The following CAVIN2 variants were observed in gnomAD, a reference collection of about 807,000 sequenced individuals.
CAVIN2 encodes the protein caveolae associated protein 2, also known as caveolae-associated protein 2.
In CAVIN2, 13 loss-of-function variants were observed where a neutral mutation model predicts 11.7. The observed-to-expected ratio is 1.11, with a 90% confidence interval of 0.72 to 1.77. The LOEUF (loss-of-function observed/expected upper bound fraction) is 1.77, where lower values mean the gene tolerates loss of function less well. CAVIN2 is among the 40% of genes most tolerant of loss of function. The pLI is 0.00. For missense variants in CAVIN2, 549 were observed against 542.9 expected (o/e 1.01, Z -0.11); for synonymous variants, 237 against 223.2 (o/e 1.06, Z -0.55).
intron 1 of CAVIN2, among the ~76,000 whole-genome samples, chr2:191,846,052 A>G (rs1328637124): frequency 6.6e-6 from 1 of 152,218 alleles, no homozygotes; most frequent in Non-Finnish European, 1.5e-5. Context: ...ATGAACAGCC[A>G]CTGAATTAAT....
In CAVIN2 at chr2:191,835,787, T is replaced by C; in HGVS notation, c.*136A>G. The C allele has an allele frequency of 1.2e-6, 1 of 835,950 alleles. No individual in the cohort carries two copies. Among genetic ancestry groups the C allele is most frequent in the Non-Finnish European group, 1.8e-6 (1 of 550,676 alleles). 51.8% of individuals were successfully genotyped at this position (835,950 alleles called of 1,614,324 possible). A position where few individuals can be genotyped will look rare whatever the true frequency, so the allele number is the denominator to read the frequency against. On this transcript the variant is annotated 3_prime_UTR_variant, in exon 2 of 2. Transcript: ENST00000304141. Reference sequence around the variant, plus strand: ...AAGCCTGGTCTCGTGTGTCTTACTATGACTATATGGTCAATGATTACTGCC... The same window carrying C: ...AAGCCTGGTCTCGTGTGTCTTACTACGACTATATGGTCAATGATTACTGCC...
intron 1 of CAVIN2, among the ~76,000 whole-genome samples, chr2:191,843,539 T>C (rs1690124127): frequency 6.6e-6 from 1 of 152,164 alleles, no homozygotes; most frequent in Non-Finnish European, 1.5e-5. Context: ...ACTGTGAAGA[T>C]TATGCTGTGA....
rs72912357 is a variant in CAVIN2, at chr2:191,842,806, A to G, written c.483+3637T>C. 1.0e-2 allele frequency among the ~76,000 whole-genome samples: 1,523 copies of G among 152,358 alleles called. 18 individuals are homozygous for G. The highest frequency in any genetic ancestry group is 0.018 in the Non-Finnish European group (1,228 of 68,044). On this transcript the variant is annotated intron_variant, in intron 1 of 1. Coordinates refer to ENST00000304141, the MANE Select transcript of CAVIN2 (RefSeq NM_004657.6). ...AAATTAGATGCTTAACAGCTATAAC[A>G]ATGTTGTAACACTCAGTACAGACTT...
At chr2:191,844,639 T>C (rs1267135753) in intron 1 of CAVIN2, among the ~76,000 whole-genome samples, 1 of 152,146 alleles carries the variant, frequency 6.6e-6, no homozygotes, top group African/African-American at 2.4e-5. Flanking sequence ...CTGGCTGCAA[T>C]TTCACACCTG....
At chr2:191,843,657 T>C (rs992154938) in intron 1 of CAVIN2, among the ~76,000 whole-genome samples, 4 of 152,212 alleles carry the variant, frequency 2.6e-5, no homozygotes, top group Non-Finnish European at 4.4e-5. Flanking sequence ...CATGGTTCTC[T>C]GTGTGTAGCG....
chr2:191,835,857 A>C lies in CAVIN2; in HGVS notation c.*66T>G. 46 of 1,484,774 alleles carry C rather than the reference A, an allele frequency of 3.1e-5. No individual in the cohort carries two copies. The highest frequency in any genetic ancestry group is 3.8e-5 in the Non-Finnish European group (42 of 1,098,252). 92.0% of individuals were successfully genotyped at this position (1,484,774 alleles called of 1,614,324 possible). ...GGGTGAGTCGTGCTGGAGATGTGCAAGAGTTTGTTCTTCAGCCCTGGCTGC... is the reference window on the plus strand; with the variant it reads ...GGGTGAGTCGTGCTGGAGATGTGCACGAGTTTGTTCTTCAGCCCTGGCTGC... On this transcript the variant is annotated 3_prime_UTR_variant, in exon 2 of 2. Transcript: ENST00000304141.
intron 1 of CAVIN2, among the ~76,000 whole-genome samples, chr2:191,843,797 A>T (rs1042211377): frequency 6.6e-5 from 10 of 152,224 alleles, no homozygotes; most frequent in African/African-American, 2.4e-4. Flanking sequence ...TCTTCTATTC[A>T]TTGAGCACTT....
intron 1 of CAVIN2, among the ~76,000 whole-genome samples, chr2:191,839,422 TGA>T (rs1690063306): frequency 6.6e-6 from 1 of 152,232 alleles, no homozygotes; most frequent in Non-Finnish European, 1.5e-5. Flanking sequence ...TAGTTGCTGT[TGA>T]GTTTTAGACT....
At chr2:191,836,838 G>C in intron 1 of CAVIN2, 121 bp from the exon 2 acceptor site, 1 of 977,828 alleles carries the variant, frequency 1.0e-6, no homozygotes, top group South Asian at 1.8e-5. Flanking sequence ...AATGTTTGTG[G>C]CTTGAGTTTT....
chr2:191,842,212 TC>T (rs1161592662), intron 1 of CAVIN2, among the ~76,000 whole-genome samples: 2 of 152,230 alleles, frequency 1.3e-5, no homozygotes, highest in African/African-American at 2.4e-5. Context: ...GGCTCCATTC[TC>T]CAGAAATGTA....
chr2:191,836,397 T>C lies in CAVIN2; in HGVS notation c.804A>G (p.Arg268=), dbSNP rs916572685. 1 of 1,614,116 alleles carries C rather than the reference T, an allele frequency of 6.2e-7. No homozygotes were observed. Among genetic ancestry groups the C allele is most frequent in the Non-Finnish European group, 8.5e-7 (1 of 1,180,046 alleles). ...ACGTGAGAGATTTCTTAATCTTCTC[T>C]CTCCTCTCTACAGATACGATCTTTG... ...LGTKIVSVER[R]EKIKKSLTSN... is the part of the protein sequence containing the mutation. Residue 268 remains arginine, a synonymous_variant, in exon 2 of 2, where the codon AGA becomes AGG. Transcript: ENST00000304141.
intron 1 of CAVIN2, among the ~76,000 whole-genome samples, chr2:191,843,569 G>C (rs1690124694): frequency 1.3e-5 from 2 of 152,146 alleles, no homozygotes; most frequent in African/African-American, 4.8e-5. Flanking sequence ...TCGTTGAGTA[G>C]GTCTTTTGGG....
chr2:191,841,248 T>C (rs897087113), intron 1 of CAVIN2, among the ~76,000 whole-genome samples: 5 of 152,214 alleles, frequency 3.3e-5, no homozygotes, highest in African/African-American at 1.2e-4. Context: ...TCAATTCTTT[T>C]TTAAGACACA....
Position 191,835,885 on chromosome 2 carries a change from G to A in CAVIN2, c.*38C>T, listed in dbSNP as rs987999517. The A allele has an allele frequency of 3.2e-6, 5 of 1,570,654 alleles. No homozygotes were observed. The highest frequency in any genetic ancestry group is 2.7e-5 in the African/African-American group (2 of 74,184). The stretch of plus-strand genomic sequence containing the variant: ...GTTTGTTCTTCAGCCCTGGCTGCCC[G>A]CTTGAGCACAGCACAGGATGGCACG... On this transcript the variant is annotated 3_prime_UTR_variant, in exon 2 of 2. Coordinates refer to ENST00000304141, the MANE Select transcript of CAVIN2 (RefSeq NM_004657.6).
intron 1 of CAVIN2, among the ~76,000 whole-genome samples, 184 bp from the exon 2 acceptor site, chr2:191,836,901 G>C (rs1690030905): frequency 6.6e-6 from 1 of 152,178 alleles, no homozygotes; most frequent in African/African-American, 2.4e-5. Context: ...ATTTAGGCTG[G>C]ATAAGGCCAA....
In CAVIN2 at chr2:191,836,224, T is replaced by A. The variant is rs1690015843; in HGVS notation, c.977A>T (p.Asn326Ile). 1.2e-6 allele frequency: 2 copies of A among 1,613,976 alleles called. No homozygotes were observed. Among genetic ancestry groups the A allele is most frequent in the African/African-American group, 2.7e-5 (2 of 74,920 alleles). ...EDLPSSEQMP[N>I]DQEEESFAEG... ...TGCAAAGGACTCCTCTTCCTGGTCA[T>A]TTGGCATCTGCTCACTGCTAGGCAG... The change falls in exon 2 of 2, where the codon AAT (asparagine) becomes ATT (isoleucine). Residue 326 changes from asparagine to isoleucine, a missense_variant. By Grantham distance (149) the Asn-to-Ile change is moderately radical (BLOSUM62 -3). Coordinates refer to ENST00000304141, the MANE Select transcript of CAVIN2 (RefSeq NM_004657.6).
chr2:191,836,739 G>T (rs759793895), intron 1 of CAVIN2, 22 bp from the exon 2 acceptor site: 4 of 1,595,622 alleles, frequency 2.5e-6, no homozygotes, highest in Non-Finnish European at 2.6e-6. Context: ...GACAATGTAG[G>T]TTTCATGTTA....
chr2:191,839,672 G>A (rs948367814), intron 1 of CAVIN2, among the ~76,000 whole-genome samples: 1 of 152,226 alleles, frequency 6.6e-6, no homozygotes, highest in Non-Finnish European at 1.5e-5. Context: ...TGAGTTGGAT[G>A]TGTCTTTATG....
At chr2:191,841,872 C>A (rs4629108) in intron 1 of CAVIN2, among the ~76,000 whole-genome samples, 140,076 of 152,248 alleles carry the variant, frequency 0.92, 65,475 homozygotes, top group East Asian at 1. Context: ...CTCACATTCA[C>A]TAAATGTAAA....
Sources: gnomAD v4.1 joint callset for allele counts (sites outside exome capture counted in the v4.1 genomes callset) on GRCh38, gnomAD v4.1.1 for gene constraint, MANE v1.5 for transcripts, NCBI Gene and HGNC (gene_info 2026-07-23, HGNC 2026-07-21) for gene names.